The following STRN3 variants were observed in gnomAD, a reference collection of about 807,000 sequenced individuals.
The protein encoded by STRN3 is striatin-3.
In STRN3, 29 loss-of-function variants were observed where a neutral mutation model predicts 95.6. The ratio of observed to expected loss-of-function variants is 0.30; its 90% confidence interval spans 0.23 to 0.41. STRN3 has a LOEUF of 0.41. STRN3 is among the 10% of genes least tolerant of loss of function. STRN3 has a pLI of 1.00. For missense variants in STRN3, 890 were observed against 972.1 expected, an observed-to-expected ratio of 0.92 and a Z score of 1.12; for synonymous variants, 331 against 357.6, an observed-to-expected ratio of 0.93 and a Z score of 0.84.
chr14:30,966,934 AG>A (rs1488372464), intron 1 of STRN3, among the ~76,000 whole-genome samples: 2 of 152,156 alleles, frequency 1.3e-5, no homozygotes, highest in Non-Finnish European at 2.9e-5. Flanking sequence ...AGAAGGGGAA[AG>A]GGGGGAAGCA....
At chr14:30,962,073 G>A (rs1031436351) in intron 1 of STRN3, among the ~76,000 whole-genome samples, 17 of 152,228 alleles carry the variant, frequency 1.1e-4, no homozygotes, top group Non-Finnish European at 2.1e-4. Context: ...GGGATAAGAT[G>A]TGGAGGTAGA....
intron 9 of STRN3, among the ~76,000 whole-genome samples, chr14:30,915,476 A>G (rs999566422): frequency 1.3e-5 from 2 of 152,212 alleles, no homozygotes; most frequent in Admixed American, 6.5e-5. Context: ...TAATCTTTCA[A>G]TGATGACACT....
At chr14:30,938,627 T>A (rs148855416) in intron 5 of STRN3, among the ~76,000 whole-genome samples, 9 of 152,104 alleles carry the variant, frequency 5.9e-5, no homozygotes, top group African/African-American at 1.7e-4. Context: ...AATTGGTCAA[T>A]CAGATTTCAC....
intron 1 of STRN3, among the ~76,000 whole-genome samples, chr14:30,969,959 G>C (rs909736359): frequency 1.3e-5 from 2 of 152,034 alleles, no homozygotes; most frequent in Non-Finnish European, 2.9e-5. Flanking sequence ...GCGAAAAAGG[G>C]ATGGACTCAC....
In STRN3 at chr14:31,000,356, T is replaced by C. The variant is rs146855522; in HGVS notation, c.282+25548A>G. 6.7e-4 allele frequency among the ~76,000 whole-genome samples: 102 copies of C among 152,186 alleles called. 1 individual carries two copies. Among genetic ancestry groups the C allele is most frequent in the African/African-American group, 2.4e-3 (100 of 41,542 alleles). On this transcript the variant is annotated intron_variant, in intron 1 of 17. Transcript: ENST00000357479. ...GTATACAATAGAGGGACATAACTTG[T>C]AGCACAACAACTGCACAAAGAGAGG...
chr14:30,939,682 A>G (rs894666016), intron 5 of STRN3, among the ~76,000 whole-genome samples: 3 of 152,158 alleles, frequency 2.0e-5, no homozygotes, highest in Non-Finnish European at 4.4e-5. Flanking sequence ...ATGAGTAACA[A>G]GAGAGTCCCC....
intron 1 of STRN3, among the ~76,000 whole-genome samples, chr14:31,009,620 T>TC (rs397798563): frequency 2.0e-5 from 3 of 151,064 alleles, no homozygotes; most frequent in African/African-American, 7.3e-5. Context: ...TTTTTTTTTT[T>TC]ACATTTCTGT....
intron 1 of STRN3, among the ~76,000 whole-genome samples, chr14:30,957,245 G>A (rs1040135734): frequency 1.3e-5 from 2 of 152,128 alleles, no homozygotes; most frequent in Non-Finnish European, 2.9e-5. Context: ...ACGAGGTCAG[G>A]AGATCGAGAC....
chr14:30,917,923 CAT>C (rs779752354), intron 9 of STRN3, among the ~76,000 whole-genome samples: 5 of 152,084 alleles, frequency 3.3e-5, no homozygotes, highest in Non-Finnish European at 7.4e-5. Context: ...TACTGTATCT[CAT>C]ATGTCACAAT....
chr14:30,946,634 G>T lies in STRN3; in HGVS notation c.716+456C>A, dbSNP rs1480814766. 1.3e-5 allele frequency among the ~76,000 whole-genome samples: 2 copies of T among 152,130 alleles called. 1 individual carries two copies. The highest frequency in any genetic ancestry group is 4.1e-4 in the South Asian group (2 of 4,834). ...TTATTTGCTCATGGTACCATGGAGT[G>T]GGGTGGGAGGTGGCTAGGTCTTTAA... On this transcript the variant is annotated intron_variant, in intron 5 of 17. Coordinates refer to ENST00000357479, the MANE Select transcript of STRN3 (RefSeq NM_001083893.2).
chr14:31,015,532 G>A lies in STRN3; in HGVS notation c.282+10372C>T, dbSNP rs980877867. ...AACTACAGGCATGCACCATCACACC[G>A]AGCTAATTTTTTGTATTTTTAGTAG... On this transcript the variant is annotated intron_variant, in intron 1 of 17. Transcript: ENST00000357479. 4.6e-5 allele frequency among the ~76,000 whole-genome samples: 7 copies of A among 151,646 alleles called. No homozygotes were observed. The East Asian group carries it at 5.8e-4, about 13-fold the overall frequency.
intron 13 of STRN3, 59 bp from the exon 14 acceptor site, chr14:30,907,103 T>C (rs1896482633): frequency 6.4e-7 from 1 of 1,570,534 alleles, no homozygotes; most frequent in African/African-American, 1.4e-5. Flanking sequence ...GAAACTTTGA[T>C]ACATAAAGAA....
intron 9 of STRN3, among the ~76,000 whole-genome samples, chr14:30,918,327 T>A: frequency 6.6e-6 from 1 of 152,182 alleles, no homozygotes; most frequent in African/African-American, 2.4e-5. Context: ...GCCAACATGG[T>A]AATATTCTGT....
At chr14:30,955,315 TTAAC>T (rs1879846313) in intron 3 of STRN3, among the ~76,000 whole-genome samples, 1 of 152,172 alleles carries the variant, frequency 6.6e-6, no homozygotes, top group African/African-American at 2.4e-5. Flanking sequence ...TCAAAAACAA[TTAAC>T]TAAAATTTTA....
chr14:30,942,895 C>T (rs576570692), intron 5 of STRN3, among the ~76,000 whole-genome samples: 177 of 152,216 alleles, frequency 1.2e-3, no homozygotes, highest in Middle Eastern at 6.8e-3. Flanking sequence ...TCATTCCTTC[C>T]TCACATCAAT....
At chr14:31,017,157 TAA>T (rs1212481987) in intron 1 of STRN3, among the ~76,000 whole-genome samples, 1 of 151,686 alleles carries the variant, frequency 6.6e-6, no homozygotes, top group Non-Finnish European at 1.5e-5. Flanking sequence ...CTGTCTCAAA[TAA>T]AAAGTTTTAA....
At chr14:30,905,331 G>T in intron 15 of STRN3, 87 bp downstream of exon 15, 1 of 1,286,260 alleles carries the variant, frequency 7.8e-7, no homozygotes, top group Non-Finnish European at 1.0e-6. Flanking sequence ...AATTCAAATA[G>T]TGAAAATATG....
intron 1 of STRN3, among the ~76,000 whole-genome samples, chr14:30,995,916 C>A (rs1311829190): frequency 3.3e-5 from 5 of 152,264 alleles, no homozygotes; most frequent in South Asian, 4.1e-4. Flanking sequence ...TTAGAAATTA[C>A]CTCCACTAAA....
At chr14:30,905,397 A>G in intron 15 of STRN3, 21 bp downstream of exon 15, 1 of 1,575,212 alleles carries the variant, frequency 6.3e-7, no homozygotes. Context: ...AAGGTTTCAA[A>G]GAAACTCCAT....
Sources: allele counts gnomAD v4.1 joint callset (sites outside exome capture counted in the v4.1 genomes callset), GRCh38; gene constraint gnomAD v4.1.1; transcripts MANE v1.5; gene names NCBI Gene and HGNC (gene_info 2026-07-23, HGNC 2026-07-21).